Variants in LINGO2 observed in about 807,000 individuals in gnomAD.
The protein encoded by LINGO2 is leucine-rich repeat and immunoglobulin-like domain-containing nogo receptor-interacting protein 2.
In LINGO2, 14 loss-of-function variants were observed where a neutral mutation model predicts 30.6. The ratio of observed to expected loss-of-function variants is 0.46; its 90% CI spans 0.30 to 0.72. The LOEUF is 0.72. LINGO2 is among the 30% of genes least tolerant of loss of function. LINGO2 has a pLI of 0.07. For synonymous variants in LINGO2, 317 were observed against 288.5 expected (o/e 1.10, Z -1.00); for missense variants, 729 against 751.7 (o/e 0.97, Z 0.35).
chr9:29,045,363 T>C, the LINGO2 span, among the ~76,000 whole-genome samples: 5 of 152,224 alleles, frequency 3.3e-5, no homozygotes, highest in South Asian at 1.0e-3. Context: ...TGAAGTACTA[T>C]GGAGCTGCAA....
At chr9:28,075,425 T>C (rs555391375) in intron 4 of LINGO2, among the ~76,000 whole-genome samples, 31 of 152,092 alleles carry the variant, frequency 2.0e-4, no homozygotes, top group Middle Eastern at 3.4e-3. Context: ...TTCTGTTGTA[T>C]ATGTGAAGGA....
intron 3 of LINGO2, among the ~76,000 whole-genome samples, chr9:28,347,625 T>C (rs1819642796): frequency 6.6e-6 from 1 of 152,216 alleles, no homozygotes; most frequent in Non-Finnish European, 1.5e-5. Flanking sequence ...ATGCACAATT[T>C]TCTTAGTTAC....
chr9:28,150,149 C>T (rs1184756467), intron 4 of LINGO2, among the ~76,000 whole-genome samples: 2 of 151,160 alleles, frequency 1.3e-5, no homozygotes, highest in Non-Finnish European at 2.9e-5. Flanking sequence ...CTCTGCCTGG[C>T]CCCCTCACCG....
chr9:28,186,876 G>A (rs528057502), intron 4 of LINGO2, among the ~76,000 whole-genome samples: 1 of 152,186 alleles, frequency 6.6e-6, no homozygotes, highest in Non-Finnish European at 1.5e-5. Context: ...AATAACTGGG[G>A]ACAAATCCAC....
chr9:28,144,863 G>C (rs1382853463), intron 4 of LINGO2, among the ~76,000 whole-genome samples: 15 of 152,244 alleles, frequency 9.9e-5, no homozygotes, highest in African/African-American at 2.9e-4. Flanking sequence ...ATTGAGATCA[G>C]TGATTGAGTT....
intron 4 of LINGO2, among the ~76,000 whole-genome samples, chr9:28,249,641 A>G (rs1313933036): frequency 6.6e-6 from 1 of 152,180 alleles, no homozygotes; most frequent in Non-Finnish European, 1.5e-5. Context: ...CCTTGCAAAA[A>G]AAACCCACTT....
the LINGO2 span, chr9:27,940,662 C>T: frequency 6.6e-6 from 1 of 152,108 alleles, no homozygotes; most frequent in African/African-American, 2.4e-5. Context: ...ACATTAACAG[C>T]CATCTAGCAA....
At chr9:28,582,785 G>A (rs1824323226) in intron 1 of LINGO2, among the ~76,000 whole-genome samples, 1 of 152,086 alleles carries the variant, frequency 6.6e-6, no homozygotes, top group Non-Finnish European at 1.5e-5. Context: ...TAGCTGTCAA[G>A]TTAAATTATT....
chr9:29,134,186 C>T, the LINGO2 span, among the ~76,000 whole-genome samples: 16 of 152,064 alleles, frequency 1.1e-4, no homozygotes, highest in African/African-American at 3.9e-4. Context: ...AATAAAGCTA[C>T]ATAAAATCCT....
chr9:28,420,719 A>G (rs1564188695), intron 2 of LINGO2, among the ~76,000 whole-genome samples: 1 of 152,104 alleles, frequency 6.6e-6, no homozygotes, highest in Non-Finnish European at 1.5e-5. Flanking sequence ...ATTCTGCTAA[A>G]GTTCAGAAAA....
At chr9:28,519,632 T>G (rs1161638530) in intron 1 of LINGO2, among the ~76,000 whole-genome samples, 2 of 152,092 alleles carry the variant, frequency 1.3e-5, no homozygotes, top group African/African-American at 4.8e-5. Flanking sequence ...AGTTGTAGAG[T>G]CATAGAACTG....
At chr9:28,796,776 A>T in the LINGO2 span, among the ~76,000 whole-genome samples, 1 of 152,008 alleles carries the variant, frequency 6.6e-6, no homozygotes, top group Admixed American at 6.6e-5. Flanking sequence ...GTATTCCCAC[A>T]GTATTAACTC....
chr9:28,722,505 A>T, the LINGO2 span, among the ~76,000 whole-genome samples: 1 of 152,146 alleles, frequency 6.6e-6, no homozygotes, highest in Non-Finnish European at 1.5e-5. Flanking sequence ...AAGTTCAGTC[A>T]GTGGCATTTC....
chr9:28,774,950 G>T, the LINGO2 span, among the ~76,000 whole-genome samples: 157 of 151,466 alleles, frequency 1.0e-3, 1 homozygote, highest in African/African-American at 3.5e-3. Context: ...GACCACACAG[G>T]AACAAATCGT....
In LINGO2 at chr9:28,633,948, A is replaced by G. The variant is rs546732020; in HGVS notation, c.-365+36252T>C. ...AGAGGACATATTTTAAGCCGCTATT[A>G]CTCTGTCATAGCTTCCTGTGAGTAG... On this transcript the variant is annotated intron_variant, in intron 1 of 5. Coordinates refer to ENST00000379992, the Ensembl canonical transcript of LINGO2. Among the ~76,000 whole-genome samples the G allele has an allele frequency of 2.6e-5, 4 of 152,262 alleles. 1 individual carries two copies. In the South Asian group the frequency reaches 8.3e-4, roughly 32 times the overall value.
intron 4 of LINGO2, among the ~76,000 whole-genome samples, chr9:28,197,758 A>G (rs986985620): frequency 6.6e-6 from 1 of 152,024 alleles, no homozygotes; most frequent in African/African-American, 2.4e-5. Flanking sequence ...TGATCAAATC[A>G]AAAGATAAAT....
At chr9:28,602,789 T>A (rs551023189) in intron 1 of LINGO2, among the ~76,000 whole-genome samples, 1 of 152,080 alleles carries the variant, frequency 6.6e-6, no homozygotes, top group African/African-American at 2.4e-5. Flanking sequence ...TGAATGACAA[T>A]TTAAAAACAA....
the LINGO2 span, among the ~76,000 whole-genome samples, chr9:28,963,543 T>TACACACACACACACAC: frequency 2.1e-3 from 296 of 140,888 alleles, 3 homozygotes; most frequent in African/African-American, 6.3e-3. Context: ...GGTATATGAA[T>TACACACACACACACAC]ACACACACAC....
At chr9:28,992,834 AT>A in the LINGO2 span, among the ~76,000 whole-genome samples, 2 of 152,122 alleles carry the variant, frequency 1.3e-5, no homozygotes, top group African/African-American at 4.8e-5. Context: ...AAGACACAAC[AT>A]ACCAGAATCT....
Sources: allele counts gnomAD v4.1 joint callset (sites outside exome capture counted in the v4.1 genomes callset), GRCh38; gene constraint gnomAD v4.1.1; transcripts MANE v1.5; gene names NCBI Gene and HGNC (gene_info 2026-07-23, HGNC 2026-07-21).